Variants in FLG observed in about 807,000 individuals in gnomAD.
The protein encoded by FLG is epidermal filaggrin.
FLG carries 6 observed loss-of-function variants against 3.8 expected under a neutral mutation model. The observed-to-expected ratio is 1.60, with a 90% CI of 0.87 to 3.15. FLG has a LOEUF of 3.15. Ranked by LOEUF, FLG falls within the 30% of genes most tolerant of loss-of-function variation. FLG has a pLI of 0.00. For missense variants in FLG, 7,595 were observed against 5,050.9 expected (o/e 1.50, Z -15.27); for synonymous variants, 2,551 against 1,931.6 (o/e 1.32, Z -8.41).
At position 152,307,382 on chromosome 1, in the gene FLG, C is replaced by G. The variant is rs559455256; in HGVS notation, c.7504G>C (p.Asp2502His). 1.1e-5 allele frequency: 17 copies of G among 1,613,282 alleles called. No individual in the cohort carries two copies. The Admixed American group carries it at 2.2e-4, about 21-fold the overall frequency. The change falls in exon 3 of 3, where the codon GAT (aspartate) becomes CAT (histidine). Residue 2502 changes from aspartate to histidine, a missense_variant. Coordinates refer to ENST00000368799, the MANE Select transcript of FLG (RefSeq NM_002016.2). ...HSHTTSQGRSDASHGHSGSRS... is the reference protein window; with the variant it reads ...HSHTTSQGRSHASHGHSGSRS... ...GATCCTGAGTGCCCATGGGAGGCAT[C>G]AGACCTTCCCTGGGATGTGGTGTGG...
chr1:152,314,352 A>C lies in FLG; in HGVS notation c.534T>G (p.His178Gln). 6.2e-7 allele frequency: 1 copy of C among 1,612,312 alleles called. No homozygotes were observed. Among genetic ancestry groups the C allele is most frequent in the Non-Finnish European group, 8.5e-7 (1 of 1,179,438 alleles). The change falls in exon 3 of 3, where the codon CAT becomes CAG. Residue 178 changes from histidine to glutamine, a missense_variant. Physicochemically the swap from His to Gln is conservative, Grantham distance 24. Coordinates refer to ENST00000368799, the MANE Select transcript of FLG (RefSeq NM_002016.2). Reference sequence around the variant, plus strand: ...TGTTTTTCTCTTTTTTACTTGAGTTATGATGGTTTTTTCCATATTCTTCTT... The same window carrying C: ...TGTTTTTCTCTTTTTTACTTGAGTTCTGATGGTTTTTTCCATATTCTTCTT... Reference protein sequence around the residue: ...HREEEYGKNHHNSSKKEKNKT... With the variant: ...HREEEYGKNHQNSSKKEKNKT...
chr1:152,302,644 A>G lies in FLG; in HGVS notation c.*56T>C, dbSNP rs1050717433. The G allele has an allele frequency of 1.9e-6, 3 of 1,600,616 alleles. No individual in the cohort carries two copies. Among genetic ancestry groups the G allele is most frequent in the African/African-American group, 2.7e-5 (2 of 74,542 alleles). ...AAAGTATTATGAAGTTTCTTGATTG[A>G]AAGTGAACTTGCTTCATTCTTCTAT... On this transcript the variant is annotated 3_prime_UTR_variant, in exon 3 of 3. Coordinates refer to ENST00000368799, the MANE Select transcript of FLG (RefSeq NM_002016.2).
chr1:152,304,390 G>T lies in FLG; in HGVS notation c.10496C>A (p.Ser3499Tyr), dbSNP rs1323350509. The change falls in exon 3 of 3, where the codon TCC (serine) becomes TAC (tyrosine). Residue 3499 changes from serine to tyrosine, a missense_variant. Transcript: ENST00000368799. ...TRNDEQSGDG[S>Y]RHSWSHHHEA... The stretch of plus-strand genomic sequence containing the variant: ...ATGGTGATGCGACCATGAGTGCCTG[G>T]AGCCATCTCCTGATTGTTCGTCATT... 2.5e-6 allele frequency: 4 copies of T among 1,611,720 alleles called. No individual in the cohort carries two copies. Among genetic ancestry groups the T allele is most frequent in the Non-Finnish European group, 2.5e-6 (3 of 1,179,134 alleles).
chr1:152,312,772 C>A lies in FLG; in HGVS notation c.2114G>T (p.Gly705Val), dbSNP rs1367631501. 1.2e-5 allele frequency: 19 copies of A among 1,613,942 alleles called. No individual in the cohort carries two copies. The highest frequency in any genetic ancestry group is 1.5e-5 in the Non-Finnish European group (18 of 1,180,016). The change falls in exon 3 of 3, where the codon GGA becomes GTA. Residue 705 changes from glycine to valine, a missense_variant. Physicochemically the swap from Gly to Val is moderately radical, Grantham distance 109. Coordinates refer to ENST00000368799, the MANE Select transcript of FLG (RefSeq NM_002016.2). Reference sequence around the variant, plus strand: ...CTGGTGGCGGGATCCATGTCTTTCTCCTGCACTTGATCTTGCCTGTTCATG... The same window carrying A: ...CTGGTGGCGGGATCCATGTCTTTCTACTGCACTTGATCTTGCCTGTTCATG... ...SSHEQARSSA[G>V]ERHGSRHQLQ...
rs768165160 is a variant in FLG at position 152,304,013 on chromosome 1, T to A, written c.10873A>T (p.Arg3625Ter). The A allele has an allele frequency of 5.0e-6, 8 of 1,613,756 alleles. No homozygotes were observed. The highest frequency in any genetic ancestry group is 1.3e-5 in the African/African-American group (1 of 74,866). Residue 3625 changes from arginine to a stop codon, truncating the protein, a stop_gained, in exon 3 of 3, where the codon AGA becomes TGA. Coordinates refer to ENST00000368799, the MANE Select transcript of FLG (RefSeq NM_002016.2). LOFTEE classifies it low-confidence loss of function (END_TRUNC). ...GACTGCTGGTGGTGGGATCCATGTC[T>A]CTCTCCTGCACTTGATCTTGCCTGT... ...HEQARSSAGE[R>*]HGSHHQQSAD...
rs780469987 is a variant in FLG, at chr1:152,303,498, C to A, written c.11388G>T (p.Arg3796Ser). ...SHHSHTTSQGRSDASHGQSGS... is the reference protein window; with the variant it reads ...SHHSHTTSQGSSDASHGQSGS... Reference sequence around the variant, plus strand: ...CTGACTGCCCATGGGAGGCATCAGACCTTCCCTGGGATGTGGTGTGGCTGT... The same window carrying A: ...CTGACTGCCCATGGGAGGCATCAGAACTTCCCTGGGATGTGGTGTGGCTGT... Residue 3796 changes from arginine (R) to serine (S), a missense_variant, in exon 3 of 3, where the codon AGG (arginine) becomes AGT (serine). Physicochemically the swap from Arg to Ser is moderately radical, Grantham distance 110. Coordinates refer to ENST00000368799, the MANE Select transcript of FLG (RefSeq NM_002016.2). The A allele has an allele frequency of 1.1e-5, 18 of 1,613,992 alleles. No homozygotes were observed. The Admixed American group carries it at 1.3e-4, about 12-fold the overall frequency.
At chr1:152,318,681 G>A (rs1652865826) in intron 1 of FLG, among the ~76,000 whole-genome samples, 1 of 151,818 alleles carries the variant, frequency 6.6e-6, no homozygotes, top group African/African-American at 2.4e-5. Context: ...TTTTCTCAGA[G>A]CTTACATTCA....
intron 1 of FLG, among the ~76,000 whole-genome samples, chr1:152,321,137 A>C (rs1652955391): frequency 6.6e-6 from 1 of 150,790 alleles, no homozygotes; most frequent in Non-Finnish European, 1.5e-5. Flanking sequence ...TATGAATGAT[A>C]TCTCTTTTTC....
chr1:152,315,437 T>C lies in FLG; in HGVS notation c.20A>G (p.Asn7Ser), dbSNP rs372700376. The C allele has an allele frequency of 6.2e-7, 1 of 1,612,274 alleles. No homozygotes were observed. Among genetic ancestry groups the C allele is most frequent in the Non-Finnish European group, 8.5e-7 (1 of 1,179,190 alleles). MSTLLE[N>S]IFAIINLFKQ... ...GAAAAGATTAATTATGGCAAAGATG[T>C]TTTCCAGGAGAGTAGACATCTTTTG... The change falls in exon 2 of 3, where the codon AAC becomes AGC. Residue 7 changes from asparagine (N) to serine (S), a missense_variant. Physicochemically the swap from Asn to Ser is conservative, Grantham distance 46. Transcript: ENST00000368799.
At position 152,313,946 on chromosome 1, in the gene FLG, A is replaced by T. The variant is rs1347685347; in HGVS notation, c.940T>A (p.Ser314Thr). 1 of 1,613,924 alleles carries T rather than the reference A, an allele frequency of 6.2e-7. No individual in the cohort carries two copies. The highest frequency in any genetic ancestry group is 2.2e-5 in the East Asian group (1 of 44,872). The change falls in exon 3 of 3, where the codon TCT (serine) becomes ACT (threonine). Residue 314 changes from serine (S) to threonine (T), a missense_variant. Coordinates refer to ENST00000368799, the MANE Select transcript of FLG (RefSeq NM_002016.2). ...EGHSEDSERH[S>T]GSASRNHHGS... ...TGATGGTTTCTGGAAGCCGACCCAGAGTGCCTCTCAGAGTCTTCTGAGTGT... is the reference window on the plus strand; with the variant it reads ...TGATGGTTTCTGGAAGCCGACCCAGTGTGCCTCTCAGAGTCTTCTGAGTGT...
rs746561336 is a variant in FLG, at chr1:152,308,412, T to A, written c.6474A>T (p.Val2158=). 6.2e-7 allele frequency: 1 copy of A among 1,613,880 alleles called. No homozygotes were observed. Among genetic ancestry groups the A allele is most frequent in the Non-Finnish European group, 8.5e-7 (1 of 1,179,916 alleles). ...GAGACCCTGAGTGTCCAGACCTATC[T>A]ACCGATTGCTCTTGGTGGGACCCCT... ...GRQGSHQEQS[V]DRSGHSGSHH... is the part of the protein sequence containing the mutation. The change falls in exon 3 of 3, where the codon GTA becomes GTT. Residue 2158 remains valine, a synonymous_variant. Coordinates refer to ENST00000368799, the MANE Select transcript of FLG (RefSeq NM_002016.2).
rs767345769 is a variant in FLG, at chr1:152,311,206, C to A, written c.3680G>T (p.Gly1227Val). 4.3e-6 allele frequency: 7 copies of A among 1,613,768 alleles called. No individual in the cohort carries two copies. The highest frequency in any genetic ancestry group is 1.7e-4 in the Middle Eastern group (1 of 6,060). The change falls in exon 3 of 3, where the codon GGA becomes GTA. Residue 1227 changes from glycine to valine, a missense_variant. Physicochemically the swap from Gly to Val is moderately radical, Grantham distance 109. Coordinates refer to ENST00000368799, the MANE Select transcript of FLG (RefSeq NM_002016.2). ...TGACCCTGAGTGCCTGGAGCCGTCT[C>A]CTGATTGTTTGTCCTTACGAGTTTG... ...SRQTRKDKQS[G>V]DGSRHSGSRH...
At position 152,302,420 on chromosome 1, in the gene FLG, A is replaced by G; in HGVS notation, c.*280T>C. 1 of 420,938 alleles carries G rather than the reference A, an allele frequency of 2.4e-6. No homozygotes were observed. Among genetic ancestry groups the G allele is most frequent in the South Asian group, 2.9e-5 (1 of 34,714 alleles). The allele number at this position is 420,938 out of a possible 1,614,324, so 26.1% of individuals were successfully genotyped here. A position where few individuals can be genotyped will look rare whatever the true frequency, so the allele number is the denominator to read the frequency against. On this transcript the variant is annotated 3_prime_UTR_variant, in exon 3 of 3. Coordinates refer to ENST00000368799, the MANE Select transcript of FLG (RefSeq NM_002016.2). The stretch of plus-strand genomic sequence containing the variant: ...AAACTTAAACTTTCAAAAACATAAA[A>G]CATTACTTGACCCAGAATCTCCTAA...
At position 152,310,981 on chromosome 1, in the gene FLG, G is replaced by C. The variant is rs754812742; in HGVS notation, c.3905C>G (p.Ser1302Ter). 1 of 1,613,736 alleles carries C rather than the reference G, an allele frequency of 6.2e-7. No homozygotes were observed. The highest frequency in any genetic ancestry group is 1.7e-5 in the Admixed American group (1 of 59,988). The change falls in exon 3 of 3, where the codon TCA becomes TGA. Residue 1302 changes from serine (S) to a stop codon, truncating the protein, a stop_gained. Transcript: ENST00000368799. LOFTEE classifies it low-confidence loss of function (END_TRUNC). ...RNHHGSSREQ[S>*]RDGSRHPGFH... ...CCCAGGGTGTCTGGAGCCATCTCTT[G>C]ACTGCTCCCGAGAAGATCCATGATG... is the stretch of plus-strand genomic sequence containing the variant.
chr1:152,315,402 A>G lies in FLG; in HGVS notation c.55T>C (p.Ser19Pro), dbSNP rs1557883349. 1.9e-6 allele frequency: 3 copies of G among 1,611,900 alleles called. No individual in the cohort carries two copies. The highest frequency in any genetic ancestry group is 2.2e-5 in the South Asian group (2 of 90,702). ...GTGTCAGTGTTTTTATCTTTTTTTG[A>G]ATATTGCTTGAAAAGATTAATTATG... ...FAIINLFKQY[S>P]KKDKNTDTLS... is the part of the protein sequence containing the mutation. The change falls in exon 2 of 3, where the codon TCA becomes CCA. Residue 19 changes from serine (S) to proline (P), a missense_variant. Coordinates refer to ENST00000368799, the MANE Select transcript of FLG (RefSeq NM_002016.2).
rs1415518784 is a variant in FLG at position 152,307,939 on chromosome 1, G to A, written c.6947C>T (p.Ala2316Val). 3.7e-6 allele frequency: 6 copies of A among 1,614,106 alleles called. No homozygotes were observed. The highest frequency in any genetic ancestry group is 1.6e-4 in the Middle Eastern group (1 of 6,062). Residue 2316 changes from alanine to valine, a missense_variant, in exon 3 of 3, where the codon GCA becomes GTA. Coordinates refer to ENST00000368799, the MANE Select transcript of FLG (RefSeq NM_002016.2). ...HAENSSGGQAASSHEQARSSA... is the reference protein window; with the variant it reads ...HAENSSGGQAVSSHEQARSSA... ...TGATCTTGCCTGTTCATGGGATGAT[G>A]CAGCCTGTCCACCAGAGGAATTCTC...
intron 2 of FLG, 110 bp downstream of exon 2, chr1:152,315,209 C>A: frequency 9.3e-7 from 1 of 1,077,718 alleles, no homozygotes; most frequent in South Asian, 1.4e-5. Context: ...AAGATTAACT[C>A]TTTTCCTATT....
In FLG at chr1:152,310,705, T is replaced by A. The variant is rs761640875; in HGVS notation, c.4181A>T (p.Gln1394Leu). The change falls in exon 3 of 3, where the codon CAG (glutamine) becomes CTG (leucine). Residue 1394 changes from glutamine (Q) to leucine (L), a missense_variant. By Grantham distance (113) the Gln-to-Leu change is moderately radical (BLOSUM62 -2). Transcript: ENST00000368799. ...TGAATGTCCCTCACTGTTAGTGACC[T>A]GACTACCACTGGACCCTCGGTGTCC... ...DSGHRGSSGS[Q>L]VTNSEGHSED... 4 of 1,614,096 alleles carry A rather than the reference T, an allele frequency of 2.5e-6. No individual in the cohort carries two copies. In the South Asian group the frequency reaches 3.3e-5, roughly 13 times the overall value.
chr1:152,324,267 C>G (rs1273390492), intron 1 of FLG, among the ~76,000 whole-genome samples: 1 of 151,766 alleles, frequency 6.6e-6, no homozygotes, highest in African/African-American at 2.4e-5. Flanking sequence ...CTGCTTAATA[C>G]CCCTTTAAGT....
Sources: allele counts gnomAD v4.1 joint callset (sites outside exome capture counted in the v4.1 genomes callset), GRCh38; gene constraint gnomAD v4.1.1; transcripts MANE v1.5; gene names NCBI Gene and HGNC (gene_info 2026-07-23, HGNC 2026-07-21).